TFIP11: variants seen among roughly 807,000 people sequenced by gnomAD.
The protein encoded by TFIP11 is tuftelin-interacting protein 11.
In TFIP11, 86 loss-of-function variants were observed where a neutral mutation model predicts 96.8. The observed-to-expected ratio is 0.89, with a 90% CI of 0.75 to 1.06. The LOEUF (loss-of-function observed/expected upper bound fraction) is 1.06. TFIP11 is among the 50% of genes least tolerant of loss of function. The pLI is 0.00. For synonymous variants in TFIP11, 405 were observed against 395.2 expected (o/e 1.02, Z -0.29); for missense variants, 881 against 1,076.7 (o/e 0.82, Z 2.54).
Position 26,499,224 on chromosome 22 carries a change from G to A in TFIP11, c.1209C>T (p.Ile403=). The stretch of plus-strand genomic sequence containing the variant: ...AGTACTTGTCCTGCAGGGTTTCGAA[G>A]ATGCGGGCACACTCGTCCAGGGTGA... ...NPLTLDECAR[I]FETLQDKYYE... Residue 403 remains isoleucine (I), a synonymous_variant, in exon 9 of 15, where the codon ATC becomes ATT. Transcript: ENST00000407690. The A allele has an allele frequency of 1.8e-5, 29 of 1,614,010 alleles. No individual in the cohort carries two copies. Among genetic ancestry groups the A allele is most frequent in the Non-Finnish European group, 2.5e-5 (29 of 1,179,968 alleles).
Position 26,506,876 on chromosome 22 carries a change from CT to C in TFIP11, c.261del (p.Ala89GlnfsTer31). 1 of 1,614,224 alleles carries C rather than the reference CT, an allele frequency of 6.2e-7. No homozygotes were observed. Among genetic ancestry groups the C allele is most frequent in the Non-Finnish European group, 8.5e-7 (1 of 1,180,042 alleles). The stretch of plus-strand genomic sequence containing the variant: ...TCCAACTCTGCCTCCTCCGCTGCCC[CT>C]TTCTTGAGCCCTGCGCTGATGAAGT... ...PVNFISAGLKKGAAEEAELED... is the reference protein window; with the variant it reads ...PVNFISAGLKXGAAEEAELED... On this transcript the variant is annotated frameshift_variant, in exon 5 of 15. Coordinates refer to ENST00000407690, the MANE Select transcript of TFIP11 (RefSeq NM_012143.4). LOFTEE classifies it high-confidence loss of function.
At chr22:26,508,442 T>C (rs1017851234) in intron 4 of TFIP11, among the ~76,000 whole-genome samples, 1 of 152,236 alleles carries the variant, frequency 6.6e-6, no homozygotes, top group Non-Finnish European at 1.5e-5. Context: ...CTATTATTAT[T>C]ATCTTATGAT....
rs751148942 is a variant in TFIP11 at position 26,506,336 on chromosome 22, C to T, written c.487G>A (p.Val163Ile). ...TTCTTCCCGAGGCCCCGTCCAGGGA[C>T]GTAGCCCATCTTCTGAAGAAGCTTC... ...GQKLLQKMGY[V>I]PGRGLGKNAQ... Residue 163 changes from valine (V) to isoleucine (I), a missense_variant, in exon 6 of 15, where the codon GTC (valine) becomes ATC (isoleucine). Coordinates refer to ENST00000407690, the MANE Select transcript of TFIP11 (RefSeq NM_012143.4). 19 of 1,613,142 alleles carry T rather than the reference C, an allele frequency of 1.2e-5. No homozygotes were observed. Among genetic ancestry groups the T allele is most frequent in the South Asian group, 3.3e-5 (3 of 90,880 alleles).
rs1381232409 is a variant in TFIP11, at chr22:26,506,893, CTGA to C, written c.242_244del (p.Ile81del). The C allele has an allele frequency of 6.2e-7, 1 of 1,614,172 alleles. No individual in the cohort carries two copies. The highest frequency in any genetic ancestry group is 2.2e-5 in the East Asian group (1 of 44,876). ...CGCTGCCCCTTTCTTGAGCCCTGCG[CTGA>C]TGAAGTTGACTGGCGCAGAGTAGTC... On this transcript the variant is annotated inframe_deletion, in exon 5 of 15. Coordinates refer to ENST00000407690, the MANE Select transcript of TFIP11 (RefSeq NM_012143.4).
intron 7 of TFIP11, 33 bp downstream of exon 7, chr22:26,503,633 A>G (rs1400163887): frequency 6.2e-7 from 1 of 1,612,008 alleles, no homozygotes; most frequent in South Asian, 1.1e-5. Context: ...TGGACAGGAC[A>G]CCATCCACCC....
At chr22:26,492,460 G>A (rs747391772) in intron 14 of TFIP11, 92 bp from the exon 15 acceptor site, 16 of 1,193,758 alleles carry the variant, frequency 1.3e-5, no homozygotes, top group Non-Finnish European at 1.9e-5. Flanking sequence ...GGGTGTGCCA[G>A]AGTGCTTGTG....
chr22:26,494,946 G>C lies in TFIP11; in HGVS notation c.1850-7C>G. The stretch of plus-strand genomic sequence containing the variant: ...AGCTCACCAAGACACATCCCTGGAA[G>C]AGAAACCCGGTCTGTAAGGCACAGC... On this transcript the variant is annotated splice_polypyrimidine_tract_variant and splice_region_variant and intron_variant, in intron 12 of 14. Transcript: ENST00000407690. The C allele has an allele frequency of 6.2e-7, 1 of 1,614,180 alleles. No homozygotes were observed. Among genetic ancestry groups the C allele is most frequent in the Non-Finnish European group, 8.5e-7 (1 of 1,180,018 alleles).
chr22:26,512,155 G>A lies in TFIP11; in HGVS notation c.-152C>T, dbSNP rs1297117359. The A allele has an allele frequency of 1.3e-5, 2 of 152,160 alleles. No individual in the cohort carries two copies. The highest frequency in any genetic ancestry group is 2.4e-5 in the African/African-American group (1 of 41,414). The allele number at this position is 152,160 out of a possible 1,614,324, so 9.4% of individuals were successfully genotyped here. A position where few individuals can be genotyped will look rare whatever the true frequency, so the allele number is the denominator to read the frequency against. On this transcript the variant is annotated 5_prime_UTR_variant, in exon 2 of 15. Transcript: ENST00000407690. ...CAGGAGTGCTAGAAGTCAGGCCTCGGGCTTGTCTCTCTCTTGCTGTCTAGG... is the reference window on the plus strand; with the variant it reads ...CAGGAGTGCTAGAAGTCAGGCCTCGAGCTTGTCTCTCTCTTGCTGTCTAGG...
Position 26,496,802 on chromosome 22 carries a change from C to T in TFIP11, c.1524G>A (p.Leu508=), listed in dbSNP as rs767423514. 2 of 1,614,146 alleles carry T rather than the reference C, an allele frequency of 1.2e-6. No individual in the cohort carries two copies. The highest frequency in any genetic ancestry group is 8.5e-7 in the Non-Finnish European group (1 of 1,180,026). The change falls in exon 11 of 15, where the codon TTG becomes TTA. Residue 508 remains leucine, a synonymous_variant. Transcript: ENST00000407690. ...PRNCDPMVDF[L]DSWVHIIPVW... Reference sequence around the variant, plus strand: ...CAGGAATAATGTGCACCCAACTATCCAAAAAGTCCACCATCGGGTCACAGT... The same window carrying T: ...CAGGAATAATGTGCACCCAACTATCTAAAAAGTCCACCATCGGGTCACAGT...
chr22:26,491,807 C>A lies in TFIP11; in HGVS notation c.*206G>T, dbSNP rs564026303. ...CAACTTGGCTGTCCTGTTTTGAGGA[C>A]GATACCCCACATGAGGACTTGGTAT... On this transcript the variant is annotated 3_prime_UTR_variant, in exon 15 of 15. Transcript: ENST00000407690. 4.2e-6 allele frequency: 4 copies of A among 948,638 alleles called. No homozygotes were observed. The African/African-American group carries it at 5.0e-5, about 12-fold the overall frequency. 58.8% of individuals were successfully genotyped at this position (948,638 alleles called of 1,614,324 possible).
chr22:26,509,408 C>T (rs957999171), intron 4 of TFIP11, among the ~76,000 whole-genome samples: 3 of 152,196 alleles, frequency 2.0e-5, no homozygotes, highest in Non-Finnish European at 4.4e-5. Context: ...CCCTCATGTC[C>T]TCATGTCCCT....
chr22:26,495,569 T>C (rs1345283032), intron 12 of TFIP11, among the ~76,000 whole-genome samples: 4 of 76,120 alleles, frequency 5.3e-5, no homozygotes, highest in Admixed American at 1.4e-4. Flanking sequence ...TATACACATA[T>C]ATATATGTGT....
At chr22:26,509,166 CCTCT>C (rs1923764625) in intron 4 of TFIP11, among the ~76,000 whole-genome samples, 1 of 152,128 alleles carries the variant, frequency 6.6e-6, no homozygotes, top group South Asian at 2.1e-4. Context: ...CACATCACAC[CCTCT>C]CTATCACACA....
chr22:26,510,574 A>C, intron 3 of TFIP11, 43 bp downstream of exon 3: 1 of 311,714 alleles, frequency 3.2e-6, no homozygotes, highest in Non-Finnish European at 6.0e-6. Context: ...ACATACACAA[A>C]CCACACAAAA....
chr22:26,501,807 A>G (rs4289294), intron 8 of TFIP11, 93 bp downstream of exon 8: 178,639 of 530,860 alleles, frequency 0.34, 34,342 homozygotes, highest in Admixed American at 0.39. Flanking sequence ...AAAAAAAAAA[A>G]GCCTAGCTAA....
Position 26,506,384 on chromosome 22 carries a change from T to C in TFIP11, c.439A>G (p.Arg147Gly). The change falls in exon 6 of 15, where the codon AGA (arginine) becomes GGA (glycine). Residue 147 changes from arginine to glycine, a missense_variant. Transcript: ENST00000407690. Reference sequence around the variant, plus strand: ...TTCTGTCCAATTCCTTTTGTGTGTCTTTCCCAGCTGCCGAAGTCCATGAAA... The same window carrying C: ...TTCTGTCCAATTCCTTTTGTGTGTCCTTCCCAGCTGCCGAAGTCCATGAAA... ...KSFMDFGSWE[R>G]HTKGIGQKLL... 1.9e-6 allele frequency: 3 copies of C among 1,614,078 alleles called. No individual in the cohort carries two copies. The highest frequency in any genetic ancestry group is 1.1e-5 in the South Asian group (1 of 91,076).
At chr22:26,495,029 T>C (rs750782235) in intron 12 of TFIP11, 90 bp from the exon 13 acceptor site, 25 of 1,559,388 alleles carry the variant, frequency 1.6e-5, no homozygotes, top group Non-Finnish European at 2.2e-5. Flanking sequence ...CGTTTTCATC[T>C]CAGCTTACAG....
intron 10 of TFIP11, 24 bp from the exon 11 acceptor site, chr22:26,496,913 G>A (rs1313885713): frequency 6.8e-6 from 11 of 1,612,276 alleles, no homozygotes; most frequent in Non-Finnish European, 9.3e-6. Context: ...GCAGAGGACA[G>A]GCTGGTTAAT....
intron 11 of TFIP11, 60 bp downstream of exon 11, chr22:26,496,661 C>G: frequency 6.3e-7 from 1 of 1,581,742 alleles, no homozygotes; most frequent in Non-Finnish European, 8.6e-7. Flanking sequence ...AATGAAGCCA[C>G]AGACTGAACA....
Sources: allele counts gnomAD v4.1 joint callset (sites outside exome capture counted in the v4.1 genomes callset), GRCh38; gene constraint gnomAD v4.1.1; transcripts MANE v1.5; gene names NCBI Gene and HGNC (gene_info 2026-07-23, HGNC 2026-07-21).